The following SLIT3 variants were observed in gnomAD, a reference collection of about 807,000 sequenced individuals.
SLIT3 encodes slit guidance ligand 3, also known as slit homolog 3 protein.
SLIT3 carries 68 observed loss-of-function variants against 184.0 expected under a neutral mutation model. That is an observed-to-expected ratio of 0.37 (90% CI 0.30 to 0.45). The LOEUF is 0.45. Ranked by LOEUF, SLIT3 falls within the 20% of genes least tolerant of loss-of-function variation. SLIT3 has a pLI of 1.00. For synonymous variants in SLIT3, 831 were observed against 828.6 expected (o/e 1.00, Z -0.05); for missense variants, 1,707 against 2,026.0 (o/e 0.84, Z 3.02).
chr5:168,793,899 C>G (rs1316938736), intron 10 of SLIT3, among the ~76,000 whole-genome samples: 1 of 152,108 alleles, frequency 6.6e-6, no homozygotes, highest in African/African-American at 2.4e-5. Context: ...TATACAGCTC[C>G]TCCAGCAGGA....
chr5:168,774,721 GA>G (rs142417613), intron 12 of SLIT3, among the ~76,000 whole-genome samples: 3 of 151,800 alleles, frequency 2.0e-5, no homozygotes, highest in African/African-American at 4.8e-5. Context: ...AATTGGAAAG[GA>G]AAAAAAATCA....
intron 7 of SLIT3, among the ~76,000 whole-genome samples, chr5:168,819,651 C>T (rs1757456093): frequency 6.6e-6 from 1 of 152,120 alleles, no homozygotes; most frequent in Non-Finnish European, 1.5e-5. Context: ...ATCAATGGAA[C>T]AACAAAAATG....
chr5:169,264,497 G>C (rs1380218231), intron 1 of SLIT3, among the ~76,000 whole-genome samples: 2 of 152,138 alleles, frequency 1.3e-5, no homozygotes, highest in Non-Finnish European at 1.5e-5. Context: ...TTTTTGATGA[G>C]CCCAAGGGCA....
At chr5:168,729,068 T>C (rs1424512634) in intron 20 of SLIT3, among the ~76,000 whole-genome samples, 1 of 151,960 alleles carries the variant, frequency 6.6e-6, no homozygotes, top group Non-Finnish European at 1.5e-5. Context: ...GACAGGTCTT[T>C]TAAAATAATC....
chr5:168,992,222 C>T (rs896831240), intron 4 of SLIT3, among the ~76,000 whole-genome samples: 5 of 152,172 alleles, frequency 3.3e-5, no homozygotes, highest in African/African-American at 7.2e-5. Flanking sequence ...ACACTTCATA[C>T]GGGCTGGTGA....
In SLIT3 at chr5:169,290,084, C is replaced by A. The variant is rs531546316; in HGVS notation, c.197+10429G>T. ...ACACTAGGACATATGCTAGAACGTA[C>A]ACTAGGGCATACGCCAGGGCACACA... is the stretch of plus-strand genomic sequence containing the variant. On this transcript the variant is annotated intron_variant, in intron 1 of 35. Coordinates refer to ENST00000519560, the MANE Select transcript of SLIT3 (RefSeq NM_003062.4). Among the ~76,000 whole-genome samples the A allele has an allele frequency of 2.0e-5, 3 of 149,360 alleles. No individual in the cohort carries two copies. The South Asian group carries it at 6.3e-4, about 31-fold the overall frequency.
rs1347577849 is a variant in SLIT3 at position 168,862,711 on chromosome 5, G to A, written c.486-18056C>T. On this transcript the variant is annotated intron_variant, in intron 5 of 35. Transcript: ENST00000519560. ...TTTTGTGAGATGGAGTTTTGCTCTT[G>A]TCGCCCAGGCTGGAGTGCAATGGCA... is the stretch of plus-strand genomic sequence containing the variant. Among the ~76,000 whole-genome samples the A allele has an allele frequency of 2.0e-5, 3 of 150,622 alleles. No individual in the cohort carries two copies. The East Asian group carries it at 5.8e-4, about 29-fold the overall frequency.
At chr5:169,203,869 CA>C (rs1460067563) in intron 3 of SLIT3, among the ~76,000 whole-genome samples, 1 of 151,766 alleles carries the variant, frequency 6.6e-6, no homozygotes, top group South Asian at 2.1e-4. Flanking sequence ...GTGGGTAGAG[CA>C]GGGGGTTGGG....
chr5:168,932,800 A>T (rs147955104), intron 4 of SLIT3, among the ~76,000 whole-genome samples: 1 of 152,260 alleles, frequency 6.6e-6, no homozygotes, highest in Non-Finnish European at 1.5e-5. Context: ...CACACTGTGC[A>T]TGTAAAGACT....
intron 3 of SLIT3, among the ~76,000 whole-genome samples, chr5:169,242,968 C>T (rs1470408595): frequency 6.6e-6 from 1 of 152,046 alleles, no homozygotes; most frequent in African/African-American, 2.4e-5. Context: ...ATCTGCTGCA[C>T]ATGAGTATGA....
chr5:168,984,933 G>T (rs1262043227), intron 4 of SLIT3, among the ~76,000 whole-genome samples: 2 of 152,128 alleles, frequency 1.3e-5, no homozygotes, highest in Non-Finnish European at 2.9e-5. Context: ...AAGCATCCAG[G>T]TGATTATAAT....
At chr5:168,707,936 C>T (rs778322602) in intron 26 of SLIT3, 40 bp downstream of exon 26, 1 of 1,612,576 alleles carries the variant, frequency 6.2e-7, no homozygotes, top group Non-Finnish European at 8.5e-7. Context: ...GAAGGAGGAG[C>T]CTGAGGCATG....
chr5:169,102,940 T>A (rs1760073666), intron 4 of SLIT3, among the ~76,000 whole-genome samples: 3 of 152,222 alleles, frequency 2.0e-5, no homozygotes. Flanking sequence ...TTTAAACTTG[T>A]TTTAACCTTC....
chr5:169,084,376 T>C (rs1759197029), intron 4 of SLIT3, among the ~76,000 whole-genome samples: 1 of 151,420 alleles, frequency 6.6e-6, no homozygotes, highest in African/African-American at 2.4e-5. Flanking sequence ...CTGCAACCTC[T>C]GACTCCCAGG....
chr5:168,984,679 ACT>A (rs1230114428), intron 4 of SLIT3, among the ~76,000 whole-genome samples: 2 of 152,094 alleles, frequency 1.3e-5, no homozygotes, highest in Admixed American at 6.5e-5. Flanking sequence ...CCCCTTTTAC[ACT>A]GTTTTCTATG....
At chr5:169,291,334 T>A (rs1282024785) in intron 1 of SLIT3, among the ~76,000 whole-genome samples, 1 of 152,154 alleles carries the variant, frequency 6.6e-6, no homozygotes, top group Non-Finnish European at 1.5e-5. Context: ...GAACTACTCT[T>A]GGAGGGTGTA....
At position 168,666,405 on chromosome 5, in the gene SLIT3, A is replaced by G. The variant is rs746324129; in HGVS notation, c.*49T>C. ...CCAGGGGGTCCCACATGGCTGTCCC[A>G]ACTCCATCAAGCTGGAGTCCGAGAG... On this transcript the variant is annotated 3_prime_UTR_variant, in exon 36 of 36. Transcript: ENST00000519560. The G allele has an allele frequency of 1.2e-5, 18 of 1,495,276 alleles. No individual in the cohort carries two copies. The highest frequency in any genetic ancestry group is 2.2e-5 in the Admixed American group (1 of 44,934). 92.6% of individuals were successfully genotyped at this position (1,495,276 alleles called of 1,614,324 possible). A position where few individuals can be genotyped will look rare whatever the true frequency, so the allele number is the denominator to read the frequency against.
chr5:169,057,651 T>TG (rs1414289148), intron 4 of SLIT3, among the ~76,000 whole-genome samples: 7 of 152,116 alleles, frequency 4.6e-5, no homozygotes, highest in Non-Finnish European at 8.8e-5. Context: ...TGGCCGAATG[T>TG]GGAAGGGCAG....
At chr5:168,961,671 G>C (rs369012878) in intron 4 of SLIT3, among the ~76,000 whole-genome samples, 2 of 152,194 alleles carry the variant, frequency 1.3e-5, no homozygotes, top group African/African-American at 4.8e-5. Context: ...CAAAGGCTCT[G>C]TGGTGCAGAA....
Sources: gnomAD v4.1 joint callset for allele counts (sites outside exome capture counted in the v4.1 genomes callset) on GRCh38, gnomAD v4.1.1 for gene constraint, MANE v1.5 for transcripts, NCBI Gene and HGNC (gene_info 2026-07-23, HGNC 2026-07-21) for gene names.